Variants in GALNT13 observed in about 807,000 individuals in gnomAD.
The protein encoded by GALNT13 is polypeptide N-acetylgalactosaminyltransferase 13.
A neutral mutation model predicts 64.2 loss-of-function variants in GALNT13; 28 were observed. The ratio of observed to expected loss-of-function variants is 0.44; its 90% CI spans 0.32 to 0.60. The LOEUF (loss-of-function observed/expected upper bound fraction) is 0.60. Ranked by LOEUF, GALNT13 falls within the 20% of genes least tolerant of loss-of-function variation. The pLI, the probability that GALNT13 is intolerant of heterozygous loss-of-function variation, is 0.05. For missense variants in GALNT13, 577 were observed against 669.8 expected, an observed-to-expected ratio of 0.86 and a Z score of 1.53; for synonymous variants, 214 against 224.6, an observed-to-expected ratio of 0.95 and a Z score of 0.42.
intron 4 of GALNT13, among the ~76,000 whole-genome samples, chr2:154,198,396 G>A (rs538055425): frequency 2.6e-5 from 4 of 151,668 alleles, no homozygotes; most frequent in Admixed American, 2.0e-4. Context: ...CTTTTTTATT[G>A]TGGTAAAGTA....
chr2:153,637,034 G>A, the GALNT13 span, among the ~76,000 whole-genome samples: 41 of 151,912 alleles, frequency 2.7e-4, 1 homozygote, highest in Non-Finnish European at 1.6e-4. Context: ...CATTAAATTC[G>A]ATAATAGGCA....
chr2:154,209,397 A>T (rs944285220), intron 4 of GALNT13, among the ~76,000 whole-genome samples: 1 of 152,168 alleles, frequency 6.6e-6, no homozygotes, highest in Admixed American at 6.5e-5. Flanking sequence ...ATGATATTTC[A>T]GGGAATAGGG....
At chr2:153,719,727 CCA>C in the GALNT13 span, among the ~76,000 whole-genome samples, 5 of 152,046 alleles carry the variant, frequency 3.3e-5, no homozygotes, top group East Asian at 9.8e-4. Context: ...CGGGTCACTC[CCA>C]CCCGAATATT....
At chr2:153,100,069 C>T in the GALNT13 span, among the ~76,000 whole-genome samples, 1 of 152,080 alleles carries the variant, frequency 6.6e-6, no homozygotes, top group East Asian at 1.9e-4. Flanking sequence ...ACAATGTAAA[C>T]AATAAGTTGA....
chr2:154,272,676 T>G (rs1262277032), intron 8 of GALNT13, among the ~76,000 whole-genome samples: 3 of 152,138 alleles, frequency 2.0e-5, no homozygotes, highest in Non-Finnish European at 4.4e-5. Context: ...AGCCTCCCAT[T>G]AAGTGTGCTT....
the GALNT13 span, among the ~76,000 whole-genome samples, chr2:153,455,019 C>A: frequency 6.6e-6 from 1 of 152,022 alleles, no homozygotes; most frequent in Non-Finnish European, 1.5e-5. Context: ...TTGAGTAAAC[C>A]TGATTTTTTT....
chr2:153,331,383 G>A, the GALNT13 span, among the ~76,000 whole-genome samples: 1 of 151,978 alleles, frequency 6.6e-6, no homozygotes, highest in African/African-American at 2.4e-5. Flanking sequence ...GGATTTTCTT[G>A]ATTGGTAGGT....
At chr2:153,840,539 A>G in the GALNT13 span, among the ~76,000 whole-genome samples, 1 of 152,136 alleles carries the variant, frequency 6.6e-6, no homozygotes, top group African/African-American at 2.4e-5. Flanking sequence ...TATGAAAGAT[A>G]TGGTTTCTGT....
the GALNT13 span, among the ~76,000 whole-genome samples, chr2:153,816,910 A>C: frequency 3.4e-3 from 512 of 152,310 alleles, 5 homozygotes; most frequent in African/African-American, 0.012. Context: ...CACGTTATGC[A>C]GAGGAGAGAT....
At chr2:153,359,630 C>CAAAAAAAA in the GALNT13 span, among the ~76,000 whole-genome samples, 157 of 38,232 alleles carry the variant, frequency 4.1e-3, 16 homozygotes, top group East Asian at 0.01. Context: ...CAGCTTTCAG[C>CAAAAAAAA]AAAAAAAAAA....
At chr2:154,222,926 T>C (rs1688393184) in intron 4 of GALNT13, among the ~76,000 whole-genome samples, 2 of 152,168 alleles carry the variant, frequency 1.3e-5, no homozygotes, top group Non-Finnish European at 2.9e-5. Context: ...CAATATAAGC[T>C]ATGCTGTTTA....
At chr2:153,168,807 T>TCTTACCATATTGTTGAAGAGGA in the GALNT13 span, among the ~76,000 whole-genome samples, 5 of 152,340 alleles carry the variant, frequency 3.3e-5, no homozygotes, top group Admixed American at 2.0e-4. Context: ...CAGACAAACT[T>TCTTACCATATTGTTGAAGAGGA]CTTACCATAT....
At chr2:154,093,589 A>G (rs1701928225) in intron 3 of GALNT13, among the ~76,000 whole-genome samples, 1 of 152,028 alleles carries the variant, frequency 6.6e-6, no homozygotes, top group African/African-American at 2.4e-5. Flanking sequence ...TAAAGATGAA[A>G]TAGATGAATA....
At chr2:154,230,944 G>A (rs561330120) in intron 4 of GALNT13, among the ~76,000 whole-genome samples, 29 of 152,106 alleles carry the variant, frequency 1.9e-4, no homozygotes, top group African/African-American at 7.0e-4. Flanking sequence ...TTTATTAATA[G>A]GCTAAATGCA....
At chr2:153,861,655 C>G in the GALNT13 span, among the ~76,000 whole-genome samples, 1 of 149,946 alleles carries the variant, frequency 6.7e-6, no homozygotes, top group East Asian at 2.0e-4. Flanking sequence ...CAACCTCTGC[C>G]TCCTAGATTC....
At chr2:153,786,519 C>T in the GALNT13 span, among the ~76,000 whole-genome samples, 1 of 152,060 alleles carries the variant, frequency 6.6e-6, no homozygotes, top group Non-Finnish European at 1.5e-5. Context: ...TTAATCCCTG[C>T]TGCCCTTGGG....
the GALNT13 span, among the ~76,000 whole-genome samples, chr2:153,737,995 T>C: frequency 6.6e-6 from 1 of 152,060 alleles, no homozygotes; most frequent in African/African-American, 2.4e-5. Context: ...ATCTTGTGTT[T>C]AACTATATCT....
At chr2:154,253,309 A>G (rs1690187776) in intron 7 of GALNT13, among the ~76,000 whole-genome samples, 1 of 152,140 alleles carries the variant, frequency 6.6e-6, no homozygotes, top group African/African-American at 2.4e-5. Context: ...GAAATACAGG[A>G]TATATTGTCT....
At chr2:153,892,698 C>T (rs1687631566) in intron 1 of GALNT13, among the ~76,000 whole-genome samples, 1 of 151,916 alleles carries the variant, frequency 6.6e-6, no homozygotes, top group Non-Finnish European at 1.5e-5. Context: ...TAAAAACAAA[C>T]TACTAAACAT....
Sources: allele counts gnomAD v4.1 joint callset (sites outside exome capture counted in the v4.1 genomes callset), GRCh38; gene constraint gnomAD v4.1.1; transcripts MANE v1.5; gene names NCBI Gene and HGNC (gene_info 2026-07-23, HGNC 2026-07-21).